Variants in PTPRN2 observed in about 807,000 individuals in gnomAD.
PTPRN2 encodes protein tyrosine phosphatase receptor type N2, also known as receptor-type tyrosine-protein phosphatase N2.
In PTPRN2, 74 loss-of-function variants were observed where a neutral mutation model predicts 118.8. The ratio of observed to expected loss-of-function variants is 0.62; its 90% CI spans 0.52 to 0.76. PTPRN2 has a LOEUF of 0.76. Ranked by LOEUF, PTPRN2 falls within the 30% of genes least tolerant of loss-of-function variation. The pLI is 0.00. For synonymous variants in PTPRN2, 641 were observed against 608.0 expected, an observed-to-expected ratio of 1.05 and a Z score of -0.80; for missense variants, 1,481 against 1,394.4, an observed-to-expected ratio of 1.06 and a Z score of -0.99.
chr7:158,080,220 C>T (rs1004197530), intron 11 of PTPRN2, among the ~76,000 whole-genome samples: 9 of 149,084 alleles, frequency 6.0e-5, no homozygotes, highest in Admixed American at 3.4e-4. Flanking sequence ...AGTACAGTGA[C>T]GCCTCAATCA....
intron 2 of PTPRN2, among the ~76,000 whole-genome samples, chr7:158,484,503 C>G (rs942323675): frequency 6.6e-6 from 1 of 152,202 alleles, no homozygotes; most frequent in African/African-American, 2.4e-5. Context: ...GCTGGGATCA[C>G]AGGCACGCGC....
At chr7:157,862,698 C>T (rs1729421793) in intron 12 of PTPRN2, 1 of 152,284 alleles carries the variant, frequency 6.6e-6, no homozygotes, top group South Asian at 2.1e-4. Flanking sequence ...TTTAAAAACG[C>T]TTATGGGATG....
chr7:158,151,385 C>T (rs878934099), intron 6 of PTPRN2, among the ~76,000 whole-genome samples: 8 of 142,862 alleles, frequency 5.6e-5, no homozygotes, highest in East Asian at 2.2e-4. Context: ...CTGCCCACAC[C>T]GCCCGCCTTT....
intron 11 of PTPRN2, among the ~76,000 whole-genome samples, chr7:157,899,691 G>A (rs747612799): frequency 2.6e-5 from 4 of 152,196 alleles, no homozygotes; most frequent in African/African-American, 7.2e-5. Flanking sequence ...GGGACGCGAT[G>A]AGATCTTGTT....
chr7:157,636,861 A>G lies in PTPRN2; in HGVS notation c.2197-15352T>C, dbSNP rs186312469. On this transcript the variant is annotated intron_variant, in intron 14 of 22. Coordinates refer to ENST00000389418, the MANE Select transcript of PTPRN2 (RefSeq NM_002847.5). ...TTAAATCCTCTCATTCCATTTGGATAATCAAAGTTTAACTATAGATAGTTT... is the reference window on the plus strand; with the variant it reads ...TTAAATCCTCTCATTCCATTTGGATGATCAAAGTTTAACTATAGATAGTTT... 3.4e-3 allele frequency among the ~76,000 whole-genome samples: 523 copies of G among 152,370 alleles called. 2 individuals carry two copies. The highest frequency in any genetic ancestry group is 5.6e-3 in the Non-Finnish European group (380 of 68,034).
intron 2 of PTPRN2, among the ~76,000 whole-genome samples, chr7:158,465,649 G>T (rs796845087): frequency 5.9e-5 from 9 of 152,182 alleles, no homozygotes; most frequent in Admixed American, 5.9e-4. Context: ...GCACTGAAAG[G>T]CTCAGCTCTC....
intron 3 of PTPRN2, among the ~76,000 whole-genome samples, chr7:158,261,734 G>A (rs1797411877): frequency 1.3e-5 from 2 of 152,218 alleles, no homozygotes; most frequent in Non-Finnish European, 2.9e-5. Context: ...GCAGCTCTGT[G>A]GAAGACGCCA....
At chr7:158,383,348 C>T (rs1365348547) in intron 2 of PTPRN2, among the ~76,000 whole-genome samples, 5 of 152,184 alleles carry the variant, frequency 3.3e-5, no homozygotes, top group African/African-American at 1.2e-4. Flanking sequence ...GTATTTGCTT[C>T]AGAACAGAGC....
At chr7:158,357,301 C>T (rs116296759) in intron 2 of PTPRN2, among the ~76,000 whole-genome samples, 5,141 of 152,318 alleles carry the variant, frequency 0.034, 139 homozygotes, top group African/African-American at 0.078. Context: ...CCTGGCCCAG[C>T]GGCACCACCC....
chr7:158,023,630 A>G (rs1807064856), intron 11 of PTPRN2, among the ~76,000 whole-genome samples: 1 of 152,176 alleles, frequency 6.6e-6, no homozygotes, highest in African/African-American at 2.4e-5. Flanking sequence ...CCTGAAACTA[A>G]GGAAGACAGT....
At chr7:158,113,298 G>C (rs762521717) in intron 9 of PTPRN2, among the ~76,000 whole-genome samples, 4 of 152,156 alleles carry the variant, frequency 2.6e-5, no homozygotes, top group Non-Finnish European at 5.9e-5. Context: ...GAGGGATGGA[G>C]AGTAGGAAAG....
chr7:157,577,493 A>C lies in PTPRN2; in HGVS notation c.2616+528T>G, dbSNP rs1389682742. 2.0e-5 allele frequency among the ~76,000 whole-genome samples: 3 copies of C among 152,212 alleles called. No individual in the cohort carries two copies. The East Asian group carries it at 5.8e-4, about 29-fold the overall frequency. ...GGCAGAAAATCCAGCCAGATAAATA[A>C]ACTGGTGAGCAGGTTATCCTCAAAT... On this transcript the variant is annotated intron_variant, in intron 18 of 22. Coordinates refer to ENST00000389418, the MANE Select transcript of PTPRN2 (RefSeq NM_002847.5).
intron 1 of PTPRN2, among the ~76,000 whole-genome samples, chr7:158,572,102 A>G (rs1828074533): frequency 1.3e-5 from 2 of 152,266 alleles, no homozygotes; most frequent in Middle Eastern, 3.4e-3. Context: ...GAAAGCAGGG[A>G]AGGTTCTGGA....
chr7:157,982,386 T>C (rs1283795777), intron 11 of PTPRN2, among the ~76,000 whole-genome samples: 11 of 131,926 alleles, frequency 8.3e-5, no homozygotes, highest in African/African-American at 3.2e-4. Context: ...AGGAGGGGAA[T>C]GCAGAGTGCA....
intron 13 of PTPRN2, among the ~76,000 whole-genome samples, chr7:157,679,902 C>A (rs1362694861): frequency 2.0e-5 from 3 of 152,080 alleles, no homozygotes; most frequent in Non-Finnish European, 4.4e-5. Context: ...CCAGGGAGGA[C>A]GCAGCTCTAC....
chr7:158,188,391 C>T (rs1242498004), intron 5 of PTPRN2, among the ~76,000 whole-genome samples: 3 of 37,112 alleles, frequency 8.1e-5, no homozygotes, highest in African/African-American at 4.0e-4. Context: ...GCTCGCCCCG[C>T]GATGGGGAAG....
Position 157,974,509 on chromosome 7 carries a change from G to A in PTPRN2, c.1724-75772C>T, listed in dbSNP as rs769502573. Among the ~76,000 whole-genome samples, 5 of 152,318 alleles carry A rather than the reference G, an allele frequency of 3.3e-5. No individual in the cohort carries two copies. Among genetic ancestry groups the A allele is most frequent in the Middle Eastern group, 3.4e-3 (1 of 294 alleles). ...ACAGTGTTCACTGGCAGTGGGAACC[G>A]TCGGTCCTGCCATGGGACGATGTGA... On this transcript the variant is annotated intron_variant, in intron 11 of 22. Coordinates refer to ENST00000389418, the MANE Select transcript of PTPRN2 (RefSeq NM_002847.5). The surrounding 1 kb of genome is among the most constrained non-coding windows in gnomAD (Gnocchi z 4.0).
At chr7:158,256,334 A>C (rs1797017184) in intron 3 of PTPRN2, among the ~76,000 whole-genome samples, 1 of 152,238 alleles carries the variant, frequency 6.6e-6, no homozygotes, top group African/African-American at 2.4e-5. Flanking sequence ...GCCTCTGCTG[A>C]GGGGGACAAG....
At chr7:158,044,569 G>A (rs1808702463) in intron 11 of PTPRN2, among the ~76,000 whole-genome samples, 1 of 151,950 alleles carries the variant, frequency 6.6e-6, no homozygotes, top group South Asian at 2.1e-4. Flanking sequence ...CAGGCACAGA[G>A]AGCTCGGGGC....
Sources: allele counts gnomAD v4.1 joint callset (sites outside exome capture counted in the v4.1 genomes callset), GRCh38; gene constraint gnomAD v4.1.1; non-coding constraint Gnocchi (gnomAD v3.1); transcripts MANE v1.5; gene names NCBI Gene and HGNC (gene_info 2026-07-23, HGNC 2026-07-21).